Variants in PDK4 observed in about 807,000 individuals in gnomAD.
PDK4 encodes pyruvate dehydrogenase kinase, isozyme 4.
PDK4 carries 43 observed loss-of-function variants against 51.7 expected under a neutral mutation model. That is an observed-to-expected ratio of 0.83 (90% CI 0.65 to 1.07). The LOEUF is 1.07. PDK4 is among the 50% of genes least tolerant of loss of function. The probability of loss-of-function intolerance (pLI) is 0.00; values close to 1 mark genes in which losing one functional copy is unlikely to be tolerated. For missense variants in PDK4, 498 were observed against 503.5 expected (o/e 0.99, Z 0.10); for synonymous variants, 170 against 176.6 (o/e 0.96, Z 0.30).
At chr7:95,586,168 C>A (rs1418781847) in intron 10 of PDK4, among the ~76,000 whole-genome samples, 4 of 147,990 alleles carry the variant, frequency 2.7e-5, no homozygotes, top group African/African-American at 5.0e-5. Context: ...TGAGGCTTTA[C>A]CAGAAACAGG....
Position 95,596,352 on chromosome 7 carries a change from G to A in PDK4, c.-59C>T, listed in dbSNP as rs1311398168. 10 of 1,510,874 alleles carry A rather than the reference G, an allele frequency of 6.6e-6. No homozygotes were observed. Among genetic ancestry groups the A allele is most frequent in the Non-Finnish European group, 6.2e-6 (7 of 1,133,736 alleles). 93.6% of individuals were successfully genotyped at this position (1,510,874 alleles called of 1,614,324 possible). A position where few individuals can be genotyped will look rare whatever the true frequency, so the allele number is the denominator to read the frequency against. ...CTGGCTTGAGGGGCGAAGGCTGCTCGGAGCAGAGCCTGGTTCCGAGGGGGC... is the reference window on the plus strand; with the variant it reads ...CTGGCTTGAGGGGCGAAGGCTGCTCAGAGCAGAGCCTGGTTCCGAGGGGGC... On this transcript the variant is annotated 5_prime_UTR_variant, in exon 1 of 11. Coordinates refer to ENST00000005178, the MANE Select transcript of PDK4 (RefSeq NM_002612.4).
chr7:95,592,487 G>A (rs751174590), intron 5 of PDK4, 24 bp downstream of exon 5: 1 of 1,290,370 alleles, frequency 7.7e-7, no homozygotes, highest in Admixed American at 1.7e-5. Context: ...TTCAATAAGG[G>A]AAGTGCAGAA....
At chr7:95,589,301 T>C (rs1462348820) in intron 7 of PDK4, among the ~76,000 whole-genome samples, 2 of 152,180 alleles carry the variant, frequency 1.3e-5, no homozygotes, top group African/African-American at 4.8e-5. Context: ...CAAGGCCTCA[T>C]TCACTGAAAC....
intron 1 of PDK4, 62 bp downstream of exon 1, chr7:95,596,102 G>A (rs2116722073): frequency 6.6e-7 from 1 of 1,504,158 alleles, no homozygotes. Flanking sequence ...CTCTACCAAG[G>A]CTGAAAGTTA....
chr7:95,593,584 G>T (rs1056659711), intron 3 of PDK4, 115 bp downstream of exon 3: 7 of 556,216 alleles, frequency 1.3e-5, no homozygotes, highest in Non-Finnish European at 2.3e-5. Flanking sequence ...TGTGTAAGAG[G>T]GTAGTGATTT....
In PDK4 at chr7:95,585,545, T is replaced by C. The variant is rs1791470356; in HGVS notation, c.*96A>G. ...TTAAGGAGTTTTCGTTGCTGTCGTT[T>C]GTTTTGGAGGAAACAAGGGTTCACA... On this transcript the variant is annotated 3_prime_UTR_variant, in exon 11 of 11. Coordinates refer to ENST00000005178, the MANE Select transcript of PDK4 (RefSeq NM_002612.4). 1.8e-6 allele frequency: 2 copies of C among 1,106,080 alleles called. No homozygotes were observed. The highest frequency in any genetic ancestry group is 4.2e-5 in the South Asian group (2 of 48,090). The allele number at this position is 1,106,080 out of a possible 1,614,324, so 68.5% of individuals were successfully genotyped here.
Position 95,585,781 on chromosome 7 carries a change from C to A in PDK4, c.1096G>T (p.Ala366Ser). ...TTTTCTATAGACTCAGAAGACAAAG[C>A]CTAAAAGAAAAGGGGGGAAAAACAT... ...YGTDAIIYLK[A>S]LSSESIEKLP... The change falls in exon 11 of 11, where the codon GCT becomes TCT. Residue 366 changes from alanine to serine, a missense_variant and splice_region_variant. Physicochemically the swap from Ala to Ser is moderately conservative, Grantham distance 99 (BLOSUM62 1). Coordinates refer to ENST00000005178, the MANE Select transcript of PDK4 (RefSeq NM_002612.4). 1 of 1,573,456 alleles carries A rather than the reference C, an allele frequency of 6.4e-7. No individual in the cohort carries two copies.
At chr7:95,594,549 T>G (rs777073693) in intron 2 of PDK4, among the ~76,000 whole-genome samples, 2 of 152,154 alleles carry the variant, frequency 1.3e-5, no homozygotes, top group Admixed American at 6.5e-5. Flanking sequence ...ATAAAGAGTT[T>G]AAGACACTTG....
chr7:95,587,146 G>A, intron 9 of PDK4, 23 bp from the exon 10 acceptor site: 1 of 1,371,294 alleles, frequency 7.3e-7, no homozygotes, highest in Non-Finnish European at 1.0e-6. Context: ...GACGTTATCA[G>A]GTAAAGAAGT....
At chr7:95,589,746 T>G (rs761825179) in intron 6 of PDK4, 30 bp from the exon 7 acceptor site, 8 of 1,170,126 alleles carry the variant, frequency 6.8e-6, no homozygotes, top group Middle Eastern at 3.8e-4. Flanking sequence ...TAAGAATTTG[T>G]AAACAAATAC....
chr7:95,594,062 A>G (rs1309868452), intron 2 of PDK4, among the ~76,000 whole-genome samples: 2 of 152,176 alleles, frequency 1.3e-5, no homozygotes, highest in Non-Finnish European at 2.9e-5. Flanking sequence ...TCTAGCAATA[A>G]TACTTAGAAA....
At chr7:95,589,810 G>T (rs1470889572) in intron 6 of PDK4, 94 bp from the exon 7 acceptor site, 2 of 739,178 alleles carry the variant, frequency 2.7e-6, no homozygotes, top group East Asian at 2.6e-5. Context: ...ACTTCAAGAG[G>T]GTTGGCATAT....
intron 2 of PDK4, among the ~76,000 whole-genome samples, 181 bp from the exon 3 acceptor site, chr7:95,593,951 T>C (rs566435947): frequency 5.0e-4 from 76 of 152,352 alleles, no homozygotes; most frequent in African/African-American, 1.7e-3. Flanking sequence ...CTTTTAATCC[T>C]TGACTTTCAA....
chr7:95,589,715 T>A lies in PDK4; in HGVS notation c.696A>T (p.Gly232=). 8 of 1,529,788 alleles carry A rather than the reference T, an allele frequency of 5.2e-6. No individual in the cohort carries two copies. The highest frequency in any genetic ancestry group is 7.2e-6 in the Non-Finnish European group (8 of 1,105,150). 94.8% of individuals were successfully genotyped at this position (1,529,788 alleles called of 1,614,324 possible). ...TGTGAATTGGTTGGTCTGGAAATTT[T>A]CCTAGAAAAATAAAATTCATTAAGA... ...SPELKLTQVN[G]KFPDQPIHIV... The change falls in exon 7 of 11, where the codon GGA becomes GGT. Residue 232 remains glycine (G), a splice_region_variant and synonymous_variant. Transcript: ENST00000005178.
rs549460174 is a variant in PDK4, at chr7:95,592,157, A to G, written c.617-92T>C. ...TTCAGTGTCTGTATTACCCTAATCT[A>G]AAATATTCACTAAGGTACAGGTTTA... On this transcript the variant is annotated intron_variant, in intron 5 of 10. Transcript: ENST00000005178. The G allele has an allele frequency of 5.7e-5, 35 of 619,178 alleles. No individual in the cohort carries two copies. The South Asian group carries it at 9.5e-4, about 17-fold the overall frequency. The allele number at this position is 619,178 out of a possible 1,614,324, so 38.4% of individuals were successfully genotyped here.
rs187214306 is a variant in PDK4, at chr7:95,590,214, C to A, written c.695-498G>T. On this transcript the variant is annotated intron_variant, in intron 6 of 10. Transcript: ENST00000005178. ...AGTCAAAATTTTATGTATTTTAAGA[C>A]AGAAGGGAGAAAACTGTGCTTATAG... Among the ~76,000 whole-genome samples, 52 of 152,156 alleles carry A rather than the reference C, an allele frequency of 3.4e-4. No homozygotes were observed. The East Asian group carries it at 9.6e-3, about 28-fold the overall frequency.
At position 95,585,537 on chromosome 7, in the gene PDK4, C is replaced by T; in HGVS notation, c.*104G>A. 3 of 1,004,970 alleles carry T rather than the reference C, an allele frequency of 3.0e-6. No homozygotes were observed. Among genetic ancestry groups the T allele is most frequent in the Non-Finnish European group, 4.3e-6 (3 of 694,188 alleles). 62.3% of individuals were successfully genotyped at this position (1,004,970 alleles called of 1,614,324 possible). A position where few individuals can be genotyped will look rare whatever the true frequency, so the allele number is the denominator to read the frequency against. ...TGTTCTGATTAAGGAGTTTTCGTTGCTGTCGTTTGTTTTGGAGGAAACAAG... is the reference window on the plus strand; with the variant it reads ...TGTTCTGATTAAGGAGTTTTCGTTGTTGTCGTTTGTTTTGGAGGAAACAAG... On this transcript the variant is annotated 3_prime_UTR_variant, in exon 11 of 11. Coordinates refer to ENST00000005178, the MANE Select transcript of PDK4 (RefSeq NM_002612.4).
chr7:95,586,212 T>TTTTTTTTTG (rs1791480974), intron 10 of PDK4, among the ~76,000 whole-genome samples: 1 of 150,470 alleles, frequency 6.6e-6, no homozygotes, highest in African/African-American at 2.5e-5. Flanking sequence ...TTTTTTTTTT[T>TTTTTTTTTG]GAGACGGAGT....
chr7:95,595,023 C>A lies in PDK4; in HGVS notation c.272G>T (p.Trp91Leu), dbSNP rs1791600187. 1.2e-6 allele frequency: 2 copies of A among 1,605,276 alleles called. No homozygotes were observed. Among genetic ancestry groups the A allele is most frequent in the African/African-American group, 1.3e-5 (1 of 74,676 alleles). ...GACTTCAATATGGTTCACCACTTAC[C>A]AGCTTTTAACCAATTGCACTGAAGA... ...NTSSVQLVKS[W>L]YIQSLMDLVE... The change falls in exon 2 of 11, where the codon TGG becomes TTG. Residue 91 changes from tryptophan (W) to leucine (L), a missense_variant and splice_region_variant. Physicochemically the swap from Trp to Leu is moderately conservative, Grantham distance 61. Transcript: ENST00000005178.
Sources: gnomAD v4.1 joint callset for allele counts (sites outside exome capture counted in the v4.1 genomes callset) on GRCh38, gnomAD v4.1.1 for gene constraint, MANE v1.5 for transcripts, NCBI Gene and HGNC (gene_info 2026-07-23, HGNC 2026-07-21) for gene names.